The following LMTK2 variants were observed in gnomAD, a reference collection of about 807,000 sequenced individuals.
The protein encoded by LMTK2 is lemur tail kinase 2.
LMTK2 carries 37 observed loss-of-function variants against 127.5 expected under a neutral mutation model. That is an observed-to-expected ratio of 0.29 (90% CI 0.22 to 0.38). The LOEUF (loss-of-function observed/expected upper bound fraction) is 0.38, where lower values mean the gene tolerates loss of function less well. LMTK2 is among the 10% of genes least tolerant of loss of function. The pLI is 1.00. For synonymous variants in LMTK2, 819 were observed against 810.1 expected (o/e 1.01, Z -0.19); for missense variants, 1,694 against 1,920.3 (o/e 0.88, Z 2.20).
At position 98,208,505 on chromosome 7, in the gene LMTK2, G is replaced by C. The variant is rs1367518722; in HGVS notation, c.*3013G>C. The C allele has an allele frequency of 6.6e-6, 1 of 152,180 alleles. No individual in the cohort carries two copies. The highest frequency in any genetic ancestry group is 1.5e-5 in the Non-Finnish European group (1 of 68,042). The allele number at this position is 152,180 out of a possible 1,614,324, so 9.4% of individuals were successfully genotyped here. A position where few individuals can be genotyped will look rare whatever the true frequency, so the allele number is the denominator to read the frequency against. ...CAGTGGCATTCTCTAGATAATGTGG[G>C]GGAAGGTTAGAATATTTTCTGGCCT... On this transcript the variant is annotated 3_prime_UTR_variant, in exon 14 of 14. Coordinates refer to ENST00000297293, the MANE Select transcript of LMTK2 (RefSeq NM_014916.4).
chr7:98,196,337 C>CT (rs955702383), intron 11 of LMTK2, among the ~76,000 whole-genome samples: 84 of 152,264 alleles, frequency 5.5e-4, no homozygotes, highest in African/African-American at 1.9e-3. Context: ...CTCAGGGAGC[C>CT]TGAGAAAACA....
At chr7:98,157,291 AGGTAG>A (rs1796940318) in intron 5 of LMTK2, among the ~76,000 whole-genome samples, 1 of 148,848 alleles carries the variant, frequency 6.7e-6, no homozygotes, top group African/African-American at 2.5e-5. Context: ...GTAGGTAGGT[AGGTAG>A]GTAGATTATA....
In LMTK2 at chr7:98,204,158, C is replaced by T. The variant is rs1444710316; in HGVS notation, c.4455C>T (p.His1485=). ...PANIASFSLT[H]LTDSDIEQGG... ...ACATTGCCAGCTTTTCCCTCACACA[C>T]CTGACCGACTCGGACATCGAGCAGG... The change falls in exon 13 of 14, where the codon CAC becomes CAT. Residue 1485 remains histidine, a synonymous_variant. Transcript: ENST00000297293. The T allele has an allele frequency of 5.0e-6, 8 of 1,609,098 alleles. No homozygotes were observed. The highest frequency in any genetic ancestry group is 2.2e-5 in the East Asian group (1 of 44,888).
At chr7:98,144,432 CAAA>C (rs1194912166) in intron 3 of LMTK2, among the ~76,000 whole-genome samples, 3 of 113,002 alleles carry the variant, frequency 2.7e-5, no homozygotes, top group Non-Finnish European at 3.8e-5. Flanking sequence ...GACTCTGTCT[CAAA>C]AAAAAAAAAA....
Position 98,106,976 on chromosome 7 carries a change from G to C in LMTK2, c.-202G>C. 2.2e-6 allele frequency: 1 copy of C among 461,270 alleles called. No individual in the cohort carries two copies. The highest frequency in any genetic ancestry group is 3.7e-5 in the South Asian group (1 of 27,034). The allele number at this position is 461,270 out of a possible 1,614,324, so 28.6% of individuals were successfully genotyped here. A position where few individuals can be genotyped will look rare whatever the true frequency, so the allele number is the denominator to read the frequency against. On this transcript the variant is annotated 5_prime_UTR_variant, in exon 1 of 14. Transcript: ENST00000297293. Reference sequence around the variant, plus strand: ...GCGGCGGCGGCGGCGCAGGCGGGCGGGAAGGATGGTGTTTCTGCGACTGGA... The same window carrying C: ...GCGGCGGCGGCGGCGCAGGCGGGCGCGAAGGATGGTGTTTCTGCGACTGGA...
At chr7:98,158,517 T>C (rs965385428) in intron 5 of LMTK2, among the ~76,000 whole-genome samples, 2 of 152,082 alleles carry the variant, frequency 1.3e-5, no homozygotes, top group African/African-American at 4.8e-5. Flanking sequence ...GTATATACAG[T>C]TGGCCCTCTG....
chr7:98,126,636 T>G (rs367933881), intron 1 of LMTK2: 3 of 152,364 alleles, frequency 2.0e-5, no homozygotes, highest in East Asian at 1.9e-4. Flanking sequence ...TGAGCTTTTC[T>G]GTAGTAGTCT....
chr7:98,194,342 G>A lies in LMTK2; in HGVS notation c.3877G>A (p.Asp1293Asn), dbSNP rs749590234. 9.3e-6 allele frequency: 15 copies of A among 1,614,116 alleles called. No homozygotes were observed. The highest frequency in any genetic ancestry group is 3.3e-5 in the South Asian group (3 of 91,076). The change falls in exon 11 of 14, where the codon GAC (aspartate) becomes AAC (asparagine). Residue 1293 changes from aspartate (D) to asparagine (N), a missense_variant. Physicochemically the swap from Asp to Asn is conservative, Grantham distance 23. Coordinates refer to ENST00000297293, the MANE Select transcript of LMTK2 (RefSeq NM_014916.4). This position sits in a 1 kb window ranked among gnomAD's most constrained non-coding sequence, Gnocchi z 5.4. ...DADEEDENSD[D>N]SDEDLRAFNL... is the part of the protein sequence containing the mutation. ...AGACGAGGAGGACGAAAACAGCGAC[G>A]ACTCGGACGAGGACCTGCGGGCCTT...
chr7:98,192,450 C>T lies in LMTK2; in HGVS notation c.1985C>T (p.Ala662Val). The T allele has an allele frequency of 6.2e-7, 1 of 1,613,096 alleles. No homozygotes were observed. Among genetic ancestry groups the T allele is most frequent in the Non-Finnish European group, 8.5e-7 (1 of 1,179,804 alleles). ...TTAATGGAATTAAACGGAGTTCAAGCCGACTTTAAACCTGCCACTTTAAGT... is the reference window on the plus strand; with the variant it reads ...TTAATGGAATTAAACGGAGTTCAAGTCGACTTTAAACCTGCCACTTTAAGT... ...FDLMELNGVQADFKPATLSSS... is the reference protein window; with the variant it reads ...FDLMELNGVQVDFKPATLSSS... The change falls in exon 11 of 14, where the codon GCC becomes GTC. Residue 662 changes from alanine (A) to valine (V), a missense_variant. By Grantham distance (64) the Ala-to-Val change is moderately conservative. Transcript: ENST00000297293.
chr7:98,135,756 G>C (rs1373359533), intron 1 of LMTK2, among the ~76,000 whole-genome samples: 2 of 152,126 alleles, frequency 1.3e-5, no homozygotes, highest in African/African-American at 2.4e-5. Context: ...TGAAGAACTT[G>C]CTAAAAATAA....
At position 98,205,770 on chromosome 7, in the gene LMTK2, G is replaced by C. The variant is rs964547633; in HGVS notation, c.*278G>C. 8 of 536,946 alleles carry C rather than the reference G, an allele frequency of 1.5e-5. No homozygotes were observed. The highest frequency in any genetic ancestry group is 1.3e-4 in the Admixed American group (4 of 31,482). 33.3% of individuals were successfully genotyped at this position (536,946 alleles called of 1,614,324 possible). ...GGCAGTGCTCATGCGCTGGCCGTCG[G>C]GGGAGGCAGGGGCACAGCCTCCATG... On this transcript the variant is annotated 3_prime_UTR_variant, in exon 14 of 14. Transcript: ENST00000297293.
intron 1 of LMTK2, among the ~76,000 whole-genome samples, chr7:98,115,177 G>A (rs1796259682): frequency 6.6e-6 from 1 of 152,152 alleles, no homozygotes; most frequent in Non-Finnish European, 1.5e-5. Flanking sequence ...CACGGTGGGA[G>A]GTCGAGGTGG....
chr7:98,170,267 C>T (rs1006765376), intron 6 of LMTK2, among the ~76,000 whole-genome samples: 2 of 152,124 alleles, frequency 1.3e-5, no homozygotes, highest in African/African-American at 4.8e-5. Flanking sequence ...GGGCTCAAAG[C>T]ACAAATGGTG....
chr7:98,120,469 T>C (rs928075996), intron 1 of LMTK2, among the ~76,000 whole-genome samples: 4 of 152,234 alleles, frequency 2.6e-5, no homozygotes, highest in Non-Finnish European at 4.4e-5. Flanking sequence ...TTAAAATATC[T>C]GTTTTAACCA....
chr7:98,111,581 C>T (rs1021397911), intron 1 of LMTK2, among the ~76,000 whole-genome samples: 5 of 152,158 alleles, frequency 3.3e-5, no homozygotes, highest in African/African-American at 1.2e-4. Context: ...CTTAGAACTC[C>T]ATCATTAAAA....
Position 98,152,720 on chromosome 7 carries a change from G to A in LMTK2, c.450+1265G>A, listed in dbSNP as rs182817457. ...GAGACTGCCTTGCTCGGAATGAAAC[G>A]GGGAAATACTCTGGTGCTTGAGAGA... On this transcript the variant is annotated intron_variant, in intron 4 of 13. Coordinates refer to ENST00000297293, the MANE Select transcript of LMTK2 (RefSeq NM_014916.4). Among the ~76,000 whole-genome samples, 55 of 152,224 alleles carry A rather than the reference G, an allele frequency of 3.6e-4. 1 individual carries two copies. The highest frequency in any genetic ancestry group is 6.8e-4 in the Non-Finnish European group (46 of 68,022).
intron 1 of LMTK2, among the ~76,000 whole-genome samples, chr7:98,122,003 C>T (rs10258913): frequency 0.13 from 19,692 of 151,660 alleles, 1,346 homozygotes; most frequent in East Asian, 0.19. Context: ...GACCGTGTCT[C>T]GGGTTAAAAA....
intron 1 of LMTK2, among the ~76,000 whole-genome samples, chr7:98,128,449 C>G (rs1796474413): frequency 6.6e-6 from 1 of 152,128 alleles, no homozygotes. Context: ...AGAAACCAGC[C>G]CTGCCGACAC....
At chr7:98,154,640 T>C in intron 4 of LMTK2, 118 bp from the exon 5 acceptor site, 3 of 670,024 alleles carry the variant, frequency 4.5e-6, no homozygotes, top group South Asian at 1.9e-5. Flanking sequence ...AGTAAAAGAA[T>C]AGAAGGTCAC....
Sources: gnomAD v4.1 joint callset for allele counts (sites outside exome capture counted in the v4.1 genomes callset) on GRCh38, gnomAD v4.1.1 for gene constraint, Gnocchi (gnomAD v3.1) non-coding constraint, MANE v1.5 for transcripts, NCBI Gene and HGNC (gene_info 2026-07-23, HGNC 2026-07-21) for gene names.